Variants in MGAT4C observed in about 807,000 individuals in gnomAD.
MGAT4C encodes the protein alpha-1,3-mannosyl-glycoprotein 4-beta-N-acetylglucosaminyltransferase C.
A neutral mutation model predicts 40.1 loss-of-function variants in MGAT4C; 19 were observed. The observed-to-expected ratio is 0.47, with a 90% CI of 0.33 to 0.70. The LOEUF is 0.70. MGAT4C is among the 30% of genes least tolerant of loss of function. The pLI, the probability that MGAT4C is intolerant of heterozygous loss-of-function variation, is 0.02. For missense variants in MGAT4C, 491 were observed against 563.2 expected, an observed-to-expected ratio of 0.87 and a Z score of 1.30; for synonymous variants, 181 against 187.1, an observed-to-expected ratio of 0.97 and a Z score of 0.27.
chr12:86,266,429 T>C (rs1392773420), intron 4 of MGAT4C, among the ~76,000 whole-genome samples: 1 of 152,246 alleles, frequency 6.6e-6, no homozygotes, highest in Non-Finnish European at 1.5e-5. Flanking sequence ...GTTTATATAC[T>C]GTATCATATT....
At chr12:86,446,593 T>C (rs1957338011) in intron 2 of MGAT4C, among the ~76,000 whole-genome samples, 1 of 147,378 alleles carries the variant, frequency 6.8e-6, no homozygotes, top group Non-Finnish European at 1.5e-5. Context: ...CATTATTTTC[T>C]ACATTGTGTA....
chr12:86,810,804 G>C (rs1655606849), intron 1 of MGAT4C, among the ~76,000 whole-genome samples: 1 of 151,744 alleles, frequency 6.6e-6, no homozygotes, highest in Admixed American at 6.6e-5. Context: ...AGTTTTCTTT[G>C]ATTTTGTACT....
intron 2 of MGAT4C, among the ~76,000 whole-genome samples, chr12:86,470,900 G>A (rs183555235): frequency 6.6e-6 from 1 of 151,904 alleles, no homozygotes; most frequent in Non-Finnish European, 1.5e-5. Flanking sequence ...CTTAGGTGAG[G>A]AACAATGCTT....
At chr12:86,690,328 C>T (rs1950152141) in intron 2 of MGAT4C, among the ~76,000 whole-genome samples, 1 of 152,168 alleles carries the variant, frequency 6.6e-6, no homozygotes. Flanking sequence ...GTGAATGATT[C>T]TGTCTCACTG....
intron 4 of MGAT4C, among the ~76,000 whole-genome samples, chr12:86,318,987 T>A (rs970655056): frequency 6.6e-5 from 10 of 152,210 alleles, no homozygotes; most frequent in African/African-American, 2.4e-4. Context: ...CTTCTCATTT[T>A]GCCTGGGATT....
At chr12:86,748,058 A>G (rs2136137993) in intron 1 of MGAT4C, among the ~76,000 whole-genome samples, 1 of 151,758 alleles carries the variant, frequency 6.6e-6, no homozygotes, top group Admixed American at 6.6e-5. Flanking sequence ...CTGCATTATT[A>G]TTTATCAATT....
chr12:86,741,169 T>G (rs1279760478), intron 1 of MGAT4C, among the ~76,000 whole-genome samples: 1 of 151,084 alleles, frequency 6.6e-6, no homozygotes, highest in Non-Finnish European at 1.5e-5. Flanking sequence ...AAATAAATTG[T>G]TTTACCAAAA....
At chr12:86,261,769 C>T (rs1202934494) in intron 4 of MGAT4C, among the ~76,000 whole-genome samples, 5 of 151,936 alleles carry the variant, frequency 3.3e-5, no homozygotes, top group Non-Finnish European at 7.4e-5. Flanking sequence ...TTTCACTCTG[C>T]CTTGTAAGGA....
At chr12:86,320,615 T>G (rs7138253) in intron 4 of MGAT4C, among the ~76,000 whole-genome samples, 135,156 of 152,090 alleles carry the variant, frequency 0.89, 60,242 homozygotes, top group East Asian at 1. Context: ...TTTACAGGTA[T>G]AAAATTAGGC....
chr12:86,479,578 C>G (rs1014343148), intron 2 of MGAT4C, among the ~76,000 whole-genome samples: 4 of 151,654 alleles, frequency 2.6e-5, no homozygotes, highest in African/African-American at 9.7e-5. Flanking sequence ...ACTTGAAATA[C>G]CTTGGGCAGT....
rs1592846917 is a variant in MGAT4C, at chr12:86,070,467, A to G, written c.-56-20744T>C. Among the ~76,000 whole-genome samples, 4 of 152,214 alleles carry G rather than the reference A, an allele frequency of 2.6e-5. 1 individual carries two copies. The Middle Eastern group carries it at 0.01, about 388-fold the overall frequency. On this transcript the variant is annotated intron_variant, in intron 1 of 4. Transcript: ENST00000611864. ...GGAGGTAAAAGCTAGTACACTACTA[A>G]TCCACTTTTTTGTGTACATTCAACC... is the stretch of plus-strand genomic sequence containing the variant.
At chr12:86,534,986 AG>A (rs200674340) in intron 2 of MGAT4C, among the ~76,000 whole-genome samples, 2 of 152,140 alleles carry the variant, frequency 1.3e-5, no homozygotes, top group East Asian at 3.8e-4. Flanking sequence ...GGTAATATCT[AG>A]GAAAAAATTT....
chr12:86,743,047 CATGT>C (rs1009297042), intron 1 of MGAT4C, among the ~76,000 whole-genome samples: 21 of 137,246 alleles, frequency 1.5e-4, no homozygotes, highest in Non-Finnish European at 1.6e-4. Flanking sequence ...GTGTGTTTTG[CATGT>C]GTGTATGTGT....
intron 2 of MGAT4C, among the ~76,000 whole-genome samples, chr12:86,026,303 A>C (rs1890235327): frequency 6.6e-6 from 1 of 151,526 alleles, no homozygotes; most frequent in African/African-American, 2.4e-5. Context: ...GTTTTTTAGG[A>C]CCTTTTCTCT....
chr12:86,536,448 T>C (rs145141896), intron 2 of MGAT4C, among the ~76,000 whole-genome samples: 6 of 152,262 alleles, frequency 3.9e-5, no homozygotes, highest in African/African-American at 1.4e-4. Flanking sequence ...TTTTAAGAGA[T>C]ATGATAATTT....
chr12:86,249,140 C>A (rs2136069096), intron 1 of MGAT4C, among the ~76,000 whole-genome samples: 1 of 152,192 alleles, frequency 6.6e-6, no homozygotes, highest in East Asian at 1.9e-4. Context: ...CCCACTGACC[C>A]CAGCCCAATA....
At chr12:86,773,057 G>A (rs1414811003) in intron 1 of MGAT4C, among the ~76,000 whole-genome samples, 1 of 152,074 alleles carries the variant, frequency 6.6e-6, no homozygotes, top group East Asian at 1.9e-4. Flanking sequence ...GCTGTGGGCT[G>A]GGCTGAATTA....
chr12:86,535,520 T>G (rs1959053093), intron 2 of MGAT4C, among the ~76,000 whole-genome samples: 1 of 152,080 alleles, frequency 6.6e-6, no homozygotes, highest in African/African-American at 2.4e-5. Context: ...TCACTCAGCT[T>G]CCCCTTCCAA....
At position 85,978,133 on chromosome 12, in the gene MGAT4C, T is replaced by C. The variant is rs1884150115; in HGVS notation, c.*1156A>G. On this transcript the variant is annotated 3_prime_UTR_variant, in exon 5 of 5. Coordinates refer to ENST00000611864, the MANE Select transcript of MGAT4C (RefSeq NM_001351288.2). ...TCATTTAGGACATTATTTAGGATAA[T>C]ATTATTTATGCAGGAATTGTACCAC... The C allele has an allele frequency of 6.6e-6, 1 of 151,600 alleles. No individual in the cohort carries two copies. The highest frequency in any genetic ancestry group is 1.5e-5 in the Non-Finnish European group (1 of 67,648). The allele number at this position is 151,600 out of a possible 1,614,324, so 9.4% of individuals were successfully genotyped here.
Sources: gnomAD v4.1 joint callset for allele counts (sites outside exome capture counted in the v4.1 genomes callset) on GRCh38, gnomAD v4.1.1 for gene constraint, MANE v1.5 for transcripts, NCBI Gene and HGNC (gene_info 2026-07-23, HGNC 2026-07-21) for gene names.